Variants in REPS2 observed in about 807,000 individuals in gnomAD.
The protein encoded by REPS2 is ralBP1-associated Eps domain-containing protein 2.
Under a neutral mutation model 53.6 loss-of-function variants are expected in REPS2, and 23 were observed. That is an observed-to-expected ratio of 0.43 (90% CI 0.31 to 0.61). The LOEUF (loss-of-function observed/expected upper bound fraction) is 0.61, where lower values mean the gene tolerates loss of function less well. Ranked by LOEUF, REPS2 falls within the 20% of genes least tolerant of loss-of-function variation. The pLI is 0.11. For synonymous variants in REPS2, 238 were observed against 218.6 expected (o/e 1.09, Z -0.78); for missense variants, 446 against 534.9 (o/e 0.83, Z 1.64).
the REPS2 span, among the ~76,000 whole-genome samples, chrX:17,160,490 G>A: frequency 1.2e-4 from 13 of 112,604 alleles, no homozygotes; most frequent in African/African-American, 1.9e-4. Flanking sequence ...CTTTCATTCC[G>A]TGACATCCAT....
Position 16,947,113 on chromosome X carries a change from G to A in REPS2, c.252G>A (p.Leu84=), listed in dbSNP as rs761223116. ...CTGACCTGTTTCGGGCATCGCAGCT[G>A]CCCGCCGAGACGCTGCACCAGGTGG... ...PVADLFRASQ[L]PAETLHQITE... is the part of the protein sequence containing the mutation. The change falls in exon 1 of 18, where the codon CTG becomes CTA. Residue 84 remains leucine (L), a synonymous_variant. Coordinates refer to ENST00000357277, the MANE Select transcript of REPS2 (RefSeq NM_004726.3). 9.1e-7 allele frequency: 1 copy of A among 1,094,448 alleles called. No individual in the cohort carries two copies. The highest frequency in any genetic ancestry group is 2.3e-5 in the South Asian group (1 of 44,320). The allele number at this position is 1,094,448 out of a possible 1,213,427, so 90.2% of individuals were successfully genotyped here.
In REPS2 at chrX:17,126,202, C is replaced by T. The variant is rs187647847; in HGVS notation, c.1579-7622C>T. Among the ~76,000 whole-genome samples the T allele has an allele frequency of 3.2e-4, 36 of 111,473 alleles. 1 individual carries two copies. The Admixed American group carries it at 3.3e-3, about 10-fold the overall frequency. On this transcript the variant is annotated intron_variant, in intron 14 of 17. Transcript: ENST00000357277. ...AGTTGGCAGCAGCAACAGCTGCTAC[C>T]GCAGGGAGAAGGGACCCCCTTCTGG...
At chrX:17,054,014 T>C (rs1179647215) in intron 7 of REPS2, among the ~76,000 whole-genome samples, 1 of 112,509 alleles carries the variant, frequency 8.9e-6, no homozygotes. Flanking sequence ...CAAGTACACT[T>C]GTCCCTGTCT....
the REPS2 span, among the ~76,000 whole-genome samples, chrX:17,184,103 G>GTGAC: frequency 2.6e-4 from 28 of 106,673 alleles, no homozygotes; most frequent in Non-Finnish European, 4.6e-4. Flanking sequence ...ATGTATACAT[G>GTGAC]TGACATGCTG....
At chrX:17,088,407 G>A (rs2062570156) in intron 13 of REPS2, among the ~76,000 whole-genome samples, 2 of 110,480 alleles carry the variant, frequency 1.8e-5, no homozygotes, top group Non-Finnish European at 3.8e-5. Context: ...AACCCTTATT[G>A]CGTATCCTAT....
chrX:16,965,089 G>A (rs1403009012), intron 1 of REPS2, among the ~76,000 whole-genome samples: 1 of 91,326 alleles, frequency 1.1e-5, no homozygotes, highest in African/African-American at 4.2e-5. Context: ...CGGGCGGGGG[G>A]CTGACCCCCC....
Sources: gnomAD v4.1 joint callset for allele counts (sites outside exome capture counted in the v4.1 genomes callset) on GRCh38, gnomAD v4.1.1 for gene constraint, MANE v1.5 for transcripts, NCBI Gene and HGNC (gene_info 2026-07-23, HGNC 2026-07-21) for gene names.